WNK4: variants seen among roughly 807,000 people sequenced by gnomAD.
WNK4 encodes the protein serine/threonine-protein kinase WNK4.
Under a neutral mutation model 116.2 loss-of-function variants are expected in WNK4, and 94 were observed. The ratio of observed to expected loss-of-function variants is 0.81; its 90% CI spans 0.68 to 0.96. The LOEUF (loss-of-function observed/expected upper bound fraction) is 0.96, where lower values mean the gene tolerates loss of function less well. Among genes scored for constraint, WNK4 ranks in the 40% least tolerant of loss-of-function variants. WNK4 has a pLI of 0.00. For missense variants in WNK4, 1,542 were observed against 1,650.6 expected (o/e 0.93, Z 1.14); for synonymous variants, 655 against 672.7 (o/e 0.97, Z 0.41).
intron 10 of WNK4, 82 bp from the exon 11 acceptor site, chr17:42,788,599 G>C: frequency 3.9e-6 from 5 of 1,286,312 alleles, no homozygotes; most frequent in Admixed American, 1.7e-5. Context: ...TGTGGCTGCT[G>C]TCACTTGGCT....
Position 42,795,204 on chromosome 17 carries a change from G to T in WNK4, c.2783G>T (p.Ser928Ile), listed in dbSNP as rs978076918. Residue 928 changes from serine (S) to isoleucine (I), a missense_variant, in exon 14 of 19, where the codon AGT (serine) becomes ATT (isoleucine). Physicochemically the swap from Ser to Ile is moderately radical, Grantham distance 142. This residue lies in a region of WNK4 where 292 missense variants were observed against 290.1 expected (regional missense o/e 1.01). Transcript: ENST00000246914. ...TTAAPLLSLASAFSLAVMTVA... is the reference protein window; with the variant it reads ...TTAAPLLSLAIAFSLAVMTVA... ...GCAGCCCCTCTCCTTTCTCTGGCTA[G>T]TGCCTTCTCACTGGCTGTGATGACT... is the stretch of plus-strand genomic sequence containing the variant. 5 of 1,613,578 alleles carry T rather than the reference G, an allele frequency of 3.1e-6. No individual in the cohort carries two copies. In the African/African-American group the frequency reaches 5.4e-5, roughly 17 times the overall value.
In WNK4 at chr17:42,795,351, C is replaced by T; in HGVS notation, c.2930C>T (p.Pro977Leu). ...GTTGCTCCTGGTGGCCAGGAAAGCC[C>T]TTCACCCCACACAGCTGAGGTGGAG... ...PPVAPGGQES[P>L]SPHTAEVESE... Residue 977 changes from proline to leucine, a missense_variant, in exon 14 of 19, where the codon CCT becomes CTT. Coordinates refer to ENST00000246914, the MANE Select transcript of WNK4 (RefSeq NM_032387.5). The T allele has an allele frequency of 1.2e-6, 2 of 1,614,124 alleles. No homozygotes were observed. The highest frequency in any genetic ancestry group is 1.7e-6 in the Non-Finnish European group (2 of 1,180,026).
In WNK4 at chr17:42,785,386, G is replaced by A. The variant is rs967700982; in HGVS notation, c.1380G>A (p.Glu460=). The A allele has an allele frequency of 3.8e-6, 6 of 1,595,326 alleles. No homozygotes were observed. The African/African-American group carries it at 6.7e-5, about 18-fold the overall frequency. ...KPGLKLWLRM[E]DARRGGRPRD... is the part of the protein sequence containing the mutation. ...GCCTCAAGCTCTGGCTGCGCATGGA[G>A]GACGCGCGGCGCGGGGGGCGCCCAC... is the stretch of plus-strand genomic sequence containing the variant. Residue 460 remains glutamate (E), a synonymous_variant, in exon 6 of 19, where the codon GAG becomes GAA. Coordinates refer to ENST00000246914, the MANE Select transcript of WNK4 (RefSeq NM_032387.5).
chr17:42,793,553 T>C, intron 11 of WNK4, 39 bp from the exon 12 acceptor site: 1 of 1,611,518 alleles, frequency 6.2e-7, no homozygotes, highest in East Asian at 2.2e-5. Context: ...ATGAGTGAGA[T>C]AACAAGCTCT....
chr17:42,785,096 G>C lies in WNK4; in HGVS notation c.1171-1G>C. On this transcript the variant is annotated splice_acceptor_variant, in intron 4 of 18. Coordinates refer to ENST00000246914, the MANE Select transcript of WNK4 (RefSeq NM_032387.5). LOFTEE classifies it high-confidence loss of function. ...GAGGTGTCATGCAACCCCTTCCCCA[G>C]GGCAGAAAGCCGAACAGCTTCCACA... The C allele has an allele frequency of 1.2e-6, 2 of 1,612,612 alleles. No individual in the cohort carries two copies. The highest frequency in any genetic ancestry group is 1.7e-6 in the Non-Finnish European group (2 of 1,179,556).
chr17:42,782,966 G>A lies in WNK4; in HGVS notation c.791+36G>A, dbSNP rs753778740. On this transcript the variant is annotated intron_variant, in intron 2 of 18. Coordinates refer to ENST00000246914, the MANE Select transcript of WNK4 (RefSeq NM_032387.5). The surrounding 1 kb of genome is among the most constrained non-coding windows in gnomAD (Gnocchi z 4.2). ...CGCATGAGTGGGTGGGGAGAGGGAGGCTGGGATGTGTGCCCACTGCTTCCT... is the reference window on the plus strand; with the variant it reads ...CGCATGAGTGGGTGGGGAGAGGGAGACTGGGATGTGTGCCCACTGCTTCCT... 6.2e-7 allele frequency: 1 copy of A among 1,608,842 alleles called. No homozygotes were observed. Among genetic ancestry groups the A allele is most frequent in the South Asian group, 1.1e-5 (1 of 90,356 alleles).
At chr17:42,790,986 A>G (rs2054601652) in intron 11 of WNK4, among the ~76,000 whole-genome samples, 1 of 152,106 alleles carries the variant, frequency 6.6e-6, no homozygotes, top group Non-Finnish European at 1.5e-5. Context: ...TCTTCCATCC[A>G]GCCACACTGG....
chr17:42,784,231 C>G lies in WNK4; in HGVS notation c.1012+74C>G. On this transcript the variant is annotated intron_variant, in intron 3 of 18. Coordinates refer to ENST00000246914, the MANE Select transcript of WNK4 (RefSeq NM_032387.5). This position sits in a 1 kb window ranked among gnomAD's most constrained non-coding sequence, Gnocchi z 4.4. ...GAAGAGAACCTGGGGACTCCCTCCCCTCAGCAAGGGCCTTCAAGGTCCACA... is the reference window on the plus strand; with the variant it reads ...GAAGAGAACCTGGGGACTCCCTCCCGTCAGCAAGGGCCTTCAAGGTCCACA... 6.3e-7 allele frequency: 1 copy of G among 1,586,526 alleles called. No individual in the cohort carries two copies. Among genetic ancestry groups the G allele is most frequent in the Non-Finnish European group, 8.6e-7 (1 of 1,164,134 alleles).
At position 42,780,870 on chromosome 17, in the gene WNK4, C is replaced by G. The variant is rs778456079; in HGVS notation, c.172C>G (p.Arg58Gly). Residue 58 changes from arginine (R) to glycine (G), a missense_variant, in exon 1 of 19, where the codon CGT becomes GGT. By Grantham distance (125) the Arg-to-Gly change is moderately radical. Coordinates refer to ENST00000246914, the MANE Select transcript of WNK4 (RefSeq NM_032387.5). ...GGCTGAGCCCCGGCCGCGCTCTTCT[C>G]GTCTCAGCCGCCGTAGCTCAGTCGA... ...GKAEPRPRSS[R>G]LSRRSSVDLG... 6 of 1,604,578 alleles carry G rather than the reference C, an allele frequency of 3.7e-6. No homozygotes were observed. Among genetic ancestry groups the G allele is most frequent in the South Asian group, 2.2e-5 (2 of 91,058 alleles).
chr17:42,796,082 G>A, intron 16 of WNK4, 41 bp from the exon 17 acceptor site: 2 of 1,614,052 alleles, frequency 1.2e-6, no homozygotes, highest in Non-Finnish European at 1.7e-6. Context: ...GGGAGAGCAA[G>A]GTGTGTGGCT....
rs780644872 is a variant in WNK4 at position 42,788,381 on chromosome 17, C to A, written c.2014C>A (p.Pro672Thr). 2 of 1,613,082 alleles carry A rather than the reference C, an allele frequency of 1.2e-6. No individual in the cohort carries two copies. Among genetic ancestry groups the A allele is most frequent in the Non-Finnish European group, 1.7e-6 (2 of 1,180,016 alleles). ...RPPGRNLRRR[P>T]RSRLRVTSVS... is the part of the protein sequence containing the mutation. ...CCCAGGGAGGAATCTCCGGCGCAGA[C>A]CCCGATCCCGGCTGCGGGTCACTAG... Residue 672 changes from proline (P) to threonine (T), a missense_variant, in exon 10 of 19, where the codon CCC (proline) becomes ACC (threonine). By Grantham distance (38) the Pro-to-Thr change is conservative. This residue lies in a region of WNK4 where 808 missense variants were observed against 873.6 expected (regional missense o/e 0.92). Transcript: ENST00000246914.
chr17:42,789,182 G>A (rs1179035981), intron 11 of WNK4, among the ~76,000 whole-genome samples: 1 of 152,136 alleles, frequency 6.6e-6, no homozygotes, highest in Non-Finnish European at 1.5e-5. Context: ...CATGAAGGGT[G>A]TCCCTGTGCA....
Position 42,783,716 on chromosome 17 carries a change from T to G in WNK4, c.792-221T>G, listed in dbSNP as rs1404038074. The G allele has an allele frequency of 5.0e-6, 3 of 600,108 alleles. No homozygotes were observed. The Admixed American group carries it at 8.5e-5, about 17-fold the overall frequency. 37.2% of individuals were successfully genotyped at this position (600,108 alleles called of 1,614,324 possible). A position where few individuals can be genotyped will look rare whatever the true frequency, so the allele number is the denominator to read the frequency against. On this transcript the variant is annotated intron_variant, in intron 2 of 18. Transcript: ENST00000246914. ...CCACAGCACCTTGGCCGAGGCCCTA[T>G]CTATCAATTTACTTCCCAACCCGTT...
chr17:42,787,661 C>T, intron 7 of WNK4, 117 bp from the exon 8 acceptor site: 1 of 1,593,968 alleles, frequency 6.3e-7, no homozygotes, highest in Non-Finnish European at 8.5e-7. Context: ...CCATGAAGCT[C>T]CCTCCAGGAA....
intron 6 of WNK4, among the ~76,000 whole-genome samples, chr17:42,786,032 A>G (rs1375768431): frequency 6.6e-6 from 1 of 152,202 alleles, no homozygotes; most frequent in Non-Finnish European, 1.5e-5. Flanking sequence ...GGCACATAGT[A>G]AGAGCTCATT....
In WNK4 at chr17:42,795,825, C is replaced by T. The variant is rs201421543; in HGVS notation, c.3223C>T (p.Arg1075Cys). The part of the protein sequence containing the change: ...ETREALAESD[R>C]AAEGLGAGVE... Reference sequence around the variant, plus strand: ...CAGGGAAGCTCTGGCTGAGAGCGACCGTGCAGCTGAGGGTCTGGGGGCTGG... The same window carrying T: ...CAGGGAAGCTCTGGCTGAGAGCGACTGTGCAGCTGAGGGTCTGGGGGCTGG... The change falls in exon 16 of 19, where the codon CGT (arginine) becomes TGT (cysteine). Residue 1075 changes from arginine to cysteine, a missense_variant. Arg to Cys is a radical substitution (Grantham distance 180). Around this residue, in one of 7 missense-constraint regions of WNK4, gnomAD observed 292 missense variants for 290.1 expected, o/e 1.01. Transcript: ENST00000246914. 1.9e-5 allele frequency: 31 copies of T among 1,613,778 alleles called. No homozygotes were observed. The highest frequency in any genetic ancestry group is 4.4e-5 in the South Asian group (4 of 91,068).
At chr17:42,787,157 T>C (rs1029294834) in intron 6 of WNK4, 121 bp from the exon 7 acceptor site, 64 of 1,407,854 alleles carry the variant, frequency 4.5e-5, no homozygotes, top group Non-Finnish European at 7.8e-6. Flanking sequence ...ACAGACATAG[T>C]GGGTAATCAG....
At chr17:42,786,968 T>A (rs868823770) in intron 6 of WNK4, among the ~76,000 whole-genome samples, 1 of 152,224 alleles carries the variant, frequency 6.6e-6, no homozygotes, top group African/African-American at 2.4e-5. Context: ...CCTCCAGTTG[T>A]GGCAACTAAA....
chr17:42,793,766 ACT>A (rs1218810765), intron 12 of WNK4, 37 bp downstream of exon 12: 13 of 1,611,138 alleles, frequency 8.1e-6, no homozygotes, highest in Middle Eastern at 3.3e-4. Flanking sequence ...GGGGAAATGG[ACT>A]CTCTGCTCCA....
Sources: gnomAD v4.1 joint callset for allele counts (sites outside exome capture counted in the v4.1 genomes callset) on GRCh38, gnomAD v4.1.1 for gene constraint, gnomAD v4.1.1 regional missense constraint, Gnocchi (gnomAD v3.1) non-coding constraint, MANE v1.5 for transcripts, NCBI Gene and HGNC (gene_info 2026-07-23, HGNC 2026-07-21) for gene names.